MSRB2: variants seen among roughly 807,000 people sequenced by gnomAD.
MSRB2 encodes methionine sulfoxide reductase B2.
Under a neutral mutation model 19.0 loss-of-function variants are expected in MSRB2, and 17 were observed. That is an observed-to-expected ratio of 0.89 (90% CI 0.61 to 1.34). The LOEUF (loss-of-function observed/expected upper bound fraction) is 1.34. MSRB2 is among the 40% of genes most tolerant of loss of function. The pLI, the probability that MSRB2 is intolerant of heterozygous loss-of-function variation, is 0.00. For synonymous variants in MSRB2, 107 were observed against 99.7 expected, an observed-to-expected ratio of 1.07 and a Z score of -0.44; for missense variants, 208 against 237.6, an observed-to-expected ratio of 0.88 and a Z score of 0.82.
intron 3 of MSRB2, among the ~76,000 whole-genome samples, chr10:23,113,544 A>G (rs1840076952): frequency 6.6e-6 from 1 of 152,190 alleles, no homozygotes; most frequent in African/African-American, 2.4e-5. Flanking sequence ...CTTCTTGGAC[A>G]AGGCTCATGG....
chr10:23,121,080 C>T lies in MSRB2; in HGVS notation c.*218C>T. On this transcript the variant is annotated 3_prime_UTR_variant, in exon 5 of 5. Coordinates refer to ENST00000376510, the MANE Select transcript of MSRB2 (RefSeq NM_012228.4). ...CTATAAAGAAGTACCTGATCAGGATCTGGGAGAATTTGAAAAAAAAAGAAA... is the reference window on the plus strand; with the variant it reads ...CTATAAAGAAGTACCTGATCAGGATTTGGGAGAATTTGAAAAAAAAAGAAA... 2.4e-6 allele frequency: 1 copy of T among 418,528 alleles called. No individual in the cohort carries two copies. Among genetic ancestry groups the T allele is most frequent in the South Asian group, 8.5e-5 (1 of 11,772 alleles). The allele number at this position is 418,528 out of a possible 1,614,324, so 25.9% of individuals were successfully genotyped here. A position where few individuals can be genotyped will look rare whatever the true frequency, so the allele number is the denominator to read the frequency against.
intron 1 of MSRB2, among the ~76,000 whole-genome samples, chr10:23,100,919 T>C (rs989942639): frequency 6.6e-6 from 1 of 152,168 alleles, no homozygotes; most frequent in Non-Finnish European, 1.5e-5. Context: ...TTTGCAAAAG[T>C]GAAATCTGTT....
chr10:23,121,294 G>A lies in MSRB2; in HGVS notation c.*432G>A, dbSNP rs577538631. The A allele has an allele frequency of 2.1e-4, 35 of 163,178 alleles. No homozygotes were observed. Among genetic ancestry groups the A allele is most frequent in the Middle Eastern group, 3.2e-3 (1 of 312 alleles). 10.1% of individuals were successfully genotyped at this position (163,178 alleles called of 1,614,324 possible). Reference sequence around the variant, plus strand: ...GGCAGAAGGTGAAGGGGGAGCCGGCGTCTCACATGGCAAAGCAGGAGCAAG... The same window carrying A: ...GGCAGAAGGTGAAGGGGGAGCCGGCATCTCACATGGCAAAGCAGGAGCAAG... On this transcript the variant is annotated 3_prime_UTR_variant, in exon 5 of 5. Transcript: ENST00000376510.
At chr10:23,118,438 AT>A (rs1840141243) in intron 3 of MSRB2, among the ~76,000 whole-genome samples, 1 of 130,616 alleles carries the variant, frequency 7.7e-6, no homozygotes, top group East Asian at 2.2e-4. Context: ...TTTGAAGTCT[AT>A]TTTCCCAGTG....
intron 4 of MSRB2, among the ~76,000 whole-genome samples, chr10:23,119,699 G>A (rs929798794): frequency 6.6e-6 from 1 of 152,174 alleles, no homozygotes; most frequent in Admixed American, 6.5e-5. Flanking sequence ...CACCTCCTGA[G>A]TTCAAGTGCC....
At chr10:23,114,886 C>A (rs1840094765) in intron 3 of MSRB2, among the ~76,000 whole-genome samples, 1 of 152,190 alleles carries the variant, frequency 6.6e-6, no homozygotes, top group Admixed American at 6.5e-5. Flanking sequence ...GCCACACGGG[C>A]AGCTCCGTTG....
At chr10:23,098,043 C>CA (rs1240356146) in intron 1 of MSRB2, among the ~76,000 whole-genome samples, 2 of 151,944 alleles carry the variant, frequency 1.3e-5, no homozygotes, top group Non-Finnish European at 2.9e-5. Flanking sequence ...TATTCTGGAG[C>CA]AAAAAATCTG....
chr10:23,119,343 G>A lies in MSRB2; in HGVS notation c.336G>A (p.Ser112=), dbSNP rs572773858. 1.2e-5 allele frequency: 19 copies of A among 1,614,134 alleles called. No homozygotes were observed. Among genetic ancestry groups the A allele is most frequent in the African/African-American group, 9.3e-5 (7 of 75,042 alleles). Residue 112 remains serine, a synonymous_variant, in exon 4 of 5, where the codon TCG becomes TCA. Transcript: ENST00000376510. Reference sequence around the variant, plus strand: ...ACTGCTCTGGCACTGGGTGGCCTTCGTTTTCCGAGGCTCATGGTACGTCTG... The same window carrying A: ...ACTGCTCTGGCACTGGGTGGCCTTCATTTTCCGAGGCTCATGGTACGTCTG... ...KKYCSGTGWP[S]FSEAHGTSGS...
At chr10:23,109,472 G>A (rs1341380100) in intron 2 of MSRB2, among the ~76,000 whole-genome samples, 3 of 151,782 alleles carry the variant, frequency 2.0e-5, no homozygotes, top group African/African-American at 7.3e-5. Flanking sequence ...GAACCTGGGA[G>A]GCAGAGGTTG....
chr10:23,096,658 A>G (rs2131619481), intron 1 of MSRB2, among the ~76,000 whole-genome samples: 2 of 152,344 alleles, frequency 1.3e-5, no homozygotes, highest in Middle Eastern at 6.8e-3. Context: ...TTCGAAATGC[A>G]ATATTGAAAG....
At chr10:23,112,053 G>A (rs1363985844) in intron 3 of MSRB2, among the ~76,000 whole-genome samples, 1 of 152,194 alleles carries the variant, frequency 6.6e-6, no homozygotes, top group Non-Finnish European at 1.5e-5. Flanking sequence ...TCCAGGTCCT[G>A]GAGGTTGTGA....
At chr10:23,120,686 G>T in intron 4 of MSRB2, 72 bp from the exon 5 acceptor site, 1 of 1,204,428 alleles carries the variant, frequency 8.3e-7, no homozygotes, top group Non-Finnish European at 1.2e-6. Context: ...TTTTGGGGGG[G>T]TTCGTCTGTC....
At chr10:23,113,240 C>T (rs538311672) in intron 3 of MSRB2, among the ~76,000 whole-genome samples, 1 of 152,320 alleles carries the variant, frequency 6.6e-6, no homozygotes, top group African/African-American at 2.4e-5. Flanking sequence ...GAGCTCCCTG[C>T]TCCAGCTTGG....
At position 23,120,708 on chromosome 10, in the gene MSRB2, A is replaced by G. The variant is rs776030528; in HGVS notation, c.445-50A>G. ...GGGGTTCGTCTGTCTGGTTTTACAT[A>G]AAGAGCTTTGTTTGCATTTGGAGAT... On this transcript the variant is annotated intron_variant, in intron 4 of 4. Transcript: ENST00000376510. 7 of 1,475,998 alleles carry G rather than the reference A, an allele frequency of 4.7e-6. No individual in the cohort carries two copies. The South Asian group carries it at 8.3e-5, about 17-fold the overall frequency. The allele number at this position is 1,475,998 out of a possible 1,614,324, so 91.4% of individuals were successfully genotyped here.
At chr10:23,120,706 A>T in intron 4 of MSRB2, 52 bp from the exon 5 acceptor site, 2 of 1,466,630 alleles carry the variant, frequency 1.4e-6, no homozygotes, top group Non-Finnish European at 1.9e-6. Context: ...CTGGTTTTAC[A>T]TAAAGAGCTT....
Position 23,114,832 on chromosome 10 carries a change from T to TG in MSRB2, c.297-4470dup, listed in dbSNP as rs1464520040. Among the ~76,000 whole-genome samples, 15 of 152,216 alleles carry TG rather than the reference T, an allele frequency of 9.9e-5. 1 individual carries two copies. The highest frequency in any genetic ancestry group is 4.6e-4 in the Admixed American group (7 of 15,282). On this transcript the variant is annotated intron_variant, in intron 3 of 4. Coordinates refer to ENST00000376510, the MANE Select transcript of MSRB2 (RefSeq NM_012228.4). Reference sequence around the variant, plus strand: ...CAGCCAAAATATGAACCCACAGTTTTGGACTCCAGAGCCCACATTCTTCAC... The same window carrying TG: ...CAGCCAAAATATGAACCCACAGTTTTGGGACTCCAGAGCCCACATTCTTCAC...
intron 3 of MSRB2, among the ~76,000 whole-genome samples, chr10:23,116,994 G>A (rs546212446): frequency 5.9e-5 from 9 of 152,170 alleles, no homozygotes; most frequent in Non-Finnish European, 1.2e-4. Flanking sequence ...ATAATGAGGT[G>A]TGTCTGACCT....
intron 2 of MSRB2, among the ~76,000 whole-genome samples, chr10:23,105,202 CTCTGTGTG>C (rs1231904116): frequency 2.9e-5 from 4 of 138,164 alleles, no homozygotes; most frequent in Non-Finnish European, 6.2e-5. Context: ...ATCTCTCTCT[CTCTGTGTG>C]TCTGTGTGTG....
At chr10:23,096,008 G>A (rs1461312805) in intron 1 of MSRB2, among the ~76,000 whole-genome samples, 2 of 151,976 alleles carry the variant, frequency 1.3e-5, no homozygotes, top group African/African-American at 4.8e-5. Context: ...GGGGAGTGGG[G>A]GCATAAGTGG....
Sources: gnomAD v4.1 joint callset for allele counts (sites outside exome capture counted in the v4.1 genomes callset) on GRCh38, gnomAD v4.1.1 for gene constraint, MANE v1.5 for transcripts, NCBI Gene and HGNC (gene_info 2026-07-23, HGNC 2026-07-21) for gene names.